The following NEDD4L variants were observed in gnomAD, a reference collection of about 807,000 sequenced individuals.
NEDD4L encodes the protein E3 ubiquitin-protein ligase NEDD4-like.
NEDD4L carries 54 observed loss-of-function variants against 148.9 expected under a neutral mutation model. The ratio of observed to expected loss-of-function variants is 0.36; its 90% CI spans 0.29 to 0.45. The LOEUF (loss-of-function observed/expected upper bound fraction) is 0.45. Among genes scored for constraint, NEDD4L ranks in the 20% least tolerant of loss-of-function variants. The pLI, the probability that NEDD4L is intolerant of heterozygous loss-of-function variation, is 1.00. For synonymous variants in NEDD4L, 433 were observed against 440.7 expected, an observed-to-expected ratio of 0.98 and a Z score of 0.22; for missense variants, 856 against 1,233.8, an observed-to-expected ratio of 0.69 and a Z score of 4.59.
intron 27 of NEDD4L, chr18:58,388,370 G>A (rs1167312996): frequency 6.6e-6 from 1 of 152,214 alleles, no homozygotes; most frequent in East Asian, 1.9e-4. Context: ...GGAAACTGAG[G>A]CAGAGAGCAG....
chr18:58,162,875 G>A (rs1479919241), intron 1 of NEDD4L, among the ~76,000 whole-genome samples: 2 of 151,822 alleles, frequency 1.3e-5, no homozygotes, highest in Non-Finnish European at 2.9e-5. Context: ...ACCAGCTTGG[G>A]CAACATGGTG....
At chr18:58,334,676 T>C (rs1432010495) in intron 12 of NEDD4L, among the ~76,000 whole-genome samples, 1 of 152,242 alleles carries the variant, frequency 6.6e-6, no homozygotes, top group Admixed American at 6.5e-5. Flanking sequence ...GTATTACGTA[T>C]GAATTTGAAG....
chr18:58,290,708 A>T (rs533597337), intron 5 of NEDD4L, among the ~76,000 whole-genome samples: 5 of 152,034 alleles, frequency 3.3e-5, no homozygotes, highest in Non-Finnish European at 7.4e-5. Flanking sequence ...TGGACTGTGG[A>T]CCAAAATTTT....
At chr18:58,358,347 A>G (rs948608754) in intron 19 of NEDD4L, among the ~76,000 whole-genome samples, 1 of 152,160 alleles carries the variant, frequency 6.6e-6, no homozygotes, top group Non-Finnish European at 1.5e-5. Flanking sequence ...CGGCTTAAAC[A>G]CTGCCTTACT....
chr18:58,145,159 TC>T (rs1370456133), intron 1 of NEDD4L, among the ~76,000 whole-genome samples: 1 of 152,142 alleles, frequency 6.6e-6, no homozygotes, highest in Non-Finnish European at 1.5e-5. Flanking sequence ...CCTGAGGCTC[TC>T]CTACCAGGGC....
At chr18:58,207,872 G>C (rs2042129873) in intron 2 of NEDD4L, among the ~76,000 whole-genome samples, 2 of 152,140 alleles carry the variant, frequency 1.3e-5, no homozygotes, top group Admixed American at 6.5e-5. Context: ...TGGCCAACAT[G>C]GTGAAACCCT....
At chr18:58,356,067 C>A (rs1055049189) in intron 18 of NEDD4L, among the ~76,000 whole-genome samples, 84 of 152,066 alleles carry the variant, frequency 5.5e-4, no homozygotes, top group Admixed American at 2.0e-4. Flanking sequence ...ATCTTCCCAC[C>A]TCAGCCTCCC....
At chr18:58,154,190 C>T (rs1681416564) in intron 1 of NEDD4L, among the ~76,000 whole-genome samples, 1 of 152,198 alleles carries the variant, frequency 6.6e-6, no homozygotes, top group Non-Finnish European at 1.5e-5. Flanking sequence ...CTGAAAGGAA[C>T]ACTGTGCCCA....
chr18:58,160,282 G>T (rs923128222), intron 1 of NEDD4L, among the ~76,000 whole-genome samples: 13 of 152,346 alleles, frequency 8.5e-5, no homozygotes, highest in African/African-American at 2.9e-4. Flanking sequence ...ATTACCACCT[G>T]TTTCTCAGTT....
chr18:58,070,279 T>A (rs1183704203), intron 1 of NEDD4L, among the ~76,000 whole-genome samples: 4 of 149,752 alleles, frequency 2.7e-5, no homozygotes, highest in Non-Finnish European at 5.9e-5. Context: ...TTATTTATTT[T>A]TTTGAGACAG....
At chr18:58,273,267 T>G (rs1268741019) in intron 5 of NEDD4L, among the ~76,000 whole-genome samples, 2 of 152,246 alleles carry the variant, frequency 1.3e-5, no homozygotes, top group African/African-American at 4.8e-5. Context: ...CCTCAGTAGA[T>G]GCAAAACTCA....
At chr18:58,270,771 C>T (rs975690291) in intron 5 of NEDD4L, among the ~76,000 whole-genome samples, 2 of 151,920 alleles carry the variant, frequency 1.3e-5, no homozygotes, top group African/African-American at 2.4e-5. Context: ...GGATAGAGGC[C>T]GATTCCCTCT....
chr18:58,285,815 A>T (rs1426803151), intron 5 of NEDD4L, among the ~76,000 whole-genome samples: 3 of 152,220 alleles, frequency 2.0e-5, no homozygotes, highest in Admixed American at 2.0e-4. Context: ...TAAATATTAG[A>T]TGAACTTTAT....
intron 1 of NEDD4L, chr18:58,047,123 T>C (rs976744132): frequency 3.0e-6 from 1 of 336,910 alleles, no homozygotes; most frequent in African/African-American, 2.2e-5. Flanking sequence ...GAAAGTAGAA[T>C]GCCCGCTGAA....
chr18:58,045,402 C>T lies in NEDD4L; in HGVS notation c.48+694C>T, dbSNP rs1225162499. ...CCTCCCGAGGATTCAAAGCCCGGCA[C>T]CTCCAGGGTGGGTGGGGAGAGGAAA... On this transcript the variant is annotated intron_variant, in intron 1 of 30. Coordinates refer to ENST00000400345, the MANE Select transcript of NEDD4L (RefSeq NM_001144967.3). 7 of 372,540 alleles carry T rather than the reference C, an allele frequency of 1.9e-5. 1 individual carries two copies. The highest frequency in any genetic ancestry group is 1.3e-3 in the Middle Eastern group (2 of 1,496). The allele number at this position is 372,540 out of a possible 1,614,324, so 23.1% of individuals were successfully genotyped here.
chr18:58,356,054 G>A (rs1054343032), intron 18 of NEDD4L, among the ~76,000 whole-genome samples: 5 of 152,042 alleles, frequency 3.3e-5, no homozygotes, highest in African/African-American at 1.2e-4. Flanking sequence ...CTGGGCTCAA[G>A]CGATCTTCCC....
rs1429984236 is a variant in NEDD4L at position 58,044,646 on chromosome 18, C to T, written c.-15C>T. 1 of 1,596,584 alleles carries T rather than the reference C, an allele frequency of 6.3e-7. No individual in the cohort carries two copies. Among genetic ancestry groups the T allele is most frequent in the East Asian group, 2.3e-5 (1 of 43,118 alleles). ...CGCTGGGAGCGCCTCAGACCCCGCG[C>T]GGGGCGCCGGCTCCATGGCGACCGG... On this transcript the variant is annotated 5_prime_UTR_variant, in exon 1 of 31. Coordinates refer to ENST00000400345, the MANE Select transcript of NEDD4L (RefSeq NM_001144967.3).
intron 1 of NEDD4L, among the ~76,000 whole-genome samples, chr18:58,058,037 G>T (rs1237593020): frequency 1.3e-5 from 2 of 152,218 alleles, no homozygotes; most frequent in Non-Finnish European, 2.9e-5. Context: ...GCCGGCCGCG[G>T]TGGCTCACGC....
intron 2 of NEDD4L, among the ~76,000 whole-genome samples, chr18:58,241,370 C>T (rs1244066730): frequency 6.6e-6 from 1 of 152,204 alleles, no homozygotes; most frequent in Admixed American, 6.5e-5. Context: ...TCCCTGAGCC[C>T]TCCTGACTGC....
Sources: allele counts gnomAD v4.1 joint callset (sites outside exome capture counted in the v4.1 genomes callset), GRCh38; gene constraint gnomAD v4.1.1; transcripts MANE v1.5; gene names NCBI Gene and HGNC (gene_info 2026-07-23, HGNC 2026-07-21).